The following SYT1 variants were observed in gnomAD, a reference collection of about 807,000 sequenced individuals.
SYT1 encodes synaptotagmin 1, also known as synaptotagmin-1.
In SYT1, 8 loss-of-function variants were observed where a neutral mutation model predicts 44.8. That is an observed-to-expected ratio of 0.18 (90% CI 0.10 to 0.32). SYT1 has a LOEUF of 0.32. SYT1 is among the 10% of genes least tolerant of loss of function. The pLI is 1.00. For missense variants in SYT1, 286 were observed against 509.3 expected (o/e 0.56, Z 4.22); for synonymous variants, 154 against 188.8 (o/e 0.82, Z 1.51).
At chr12:79,210,959 A>G (rs956354469) in intron 3 of SYT1, among the ~76,000 whole-genome samples, 1 of 148,330 alleles carries the variant, frequency 6.7e-6, no homozygotes, top group African/African-American at 2.5e-5. Context: ...TGAAAATCTG[A>G]CATTAGGAAA....
At chr12:79,401,283 C>A (rs979625673) in intron 9 of SYT1, among the ~76,000 whole-genome samples, 1 of 152,114 alleles carries the variant, frequency 6.6e-6, no homozygotes, top group Non-Finnish European at 1.5e-5. Flanking sequence ...AATCCCAGCA[C>A]TTTGGGAGGC....
chr12:78,881,170 G>T (rs1414592731), intron 1 of SYT1, among the ~76,000 whole-genome samples: 5 of 151,468 alleles, frequency 3.3e-5, no homozygotes, highest in Non-Finnish European at 5.9e-5. Context: ...AATTGACTTT[G>T]CTTGGCTCGT....
intron 2 of SYT1, among the ~76,000 whole-genome samples, chr12:79,017,382 C>T (rs899475451): frequency 6.6e-6 from 1 of 152,038 alleles, no homozygotes; most frequent in Non-Finnish European, 1.5e-5. Flanking sequence ...AGCAAATAAC[C>T]ACAATGTAAT....
chr12:79,053,009 A>G (rs1460570071), intron 3 of SYT1, among the ~76,000 whole-genome samples: 2 of 152,190 alleles, frequency 1.3e-5, no homozygotes, highest in African/African-American at 2.4e-5. Flanking sequence ...ATTACTGGGT[A>G]TACACCCAAA....
intron 3 of SYT1, among the ~76,000 whole-genome samples, chr12:79,063,139 T>G (rs922564313): frequency 1.3e-5 from 2 of 152,206 alleles, no homozygotes; most frequent in Non-Finnish European, 2.9e-5. Flanking sequence ...CACCTTAATC[T>G]TTGTGAGACC....
intron 1 of SYT1, among the ~76,000 whole-genome samples, chr12:78,934,669 G>T (rs1448167803): frequency 6.6e-6 from 1 of 152,182 alleles, no homozygotes; most frequent in African/African-American, 2.4e-5. Context: ...GAAAAAGAAA[G>T]AAGTTGAAGT....
chr12:79,153,361 G>A (rs561328090), intron 3 of SYT1, among the ~76,000 whole-genome samples: 1 of 152,128 alleles, frequency 6.6e-6, no homozygotes, highest in East Asian at 1.9e-4. Flanking sequence ...ATTGTAGGTC[G>A]GAAGAAGAGC....
intron 9 of SYT1, among the ~76,000 whole-genome samples, chr12:79,384,729 A>T (rs760012012): frequency 6.6e-6 from 1 of 152,180 alleles, no homozygotes; most frequent in African/African-American, 2.4e-5. Context: ...TCAAGGCTTG[A>T]ATAGAAGCAT....
At chr12:78,890,784 A>C (rs897785146) in intron 1 of SYT1, among the ~76,000 whole-genome samples, 3 of 151,790 alleles carry the variant, frequency 2.0e-5, no homozygotes, top group African/African-American at 7.2e-5. Context: ...CTATAACTGC[A>C]TTTCTGTTAC....
intron 1 of SYT1, among the ~76,000 whole-genome samples, chr12:78,875,434 C>T (rs1874014806): frequency 6.6e-6 from 1 of 151,362 alleles, no homozygotes; most frequent in African/African-American, 2.4e-5. Context: ...ATAAATAAAA[C>T]AGAGCAATAG....
At chr12:78,962,236 A>G (rs1404980622) in intron 1 of SYT1, among the ~76,000 whole-genome samples, 2 of 151,916 alleles carry the variant, frequency 1.3e-5, no homozygotes, top group African/African-American at 4.8e-5. Context: ...CATATGAACT[A>G]TCTAATATGA....
At chr12:79,251,731 T>C (rs910260659) in intron 4 of SYT1, among the ~76,000 whole-genome samples, 2 of 152,136 alleles carry the variant, frequency 1.3e-5, no homozygotes, top group East Asian at 1.9e-4. Context: ...CCCAAGTGAG[T>C]AGAACTCAGG....
intron 9 of SYT1, among the ~76,000 whole-genome samples, chr12:79,399,181 T>C (rs1267241858): frequency 6.6e-6 from 1 of 152,214 alleles, no homozygotes; most frequent in Non-Finnish European, 1.5e-5. Context: ...TAAGAAGGAA[T>C]ATTCATCTTT....
chr12:79,271,927 T>A (rs1878448452), intron 4 of SYT1, among the ~76,000 whole-genome samples: 1 of 152,222 alleles, frequency 6.6e-6, no homozygotes, highest in South Asian at 2.1e-4. Flanking sequence ...TCTTTTTTTC[T>A]TAATGCATCT....
intron 3 of SYT1, among the ~76,000 whole-genome samples, chr12:79,155,505 G>A (rs1870540223): frequency 6.6e-6 from 1 of 152,156 alleles, no homozygotes. Context: ...TTAAAATAGG[G>A]TAAAACTTTC....
chr12:78,897,508 C>T (rs561742160), intron 1 of SYT1, among the ~76,000 whole-genome samples: 124 of 151,778 alleles, frequency 8.2e-4, no homozygotes, highest in Middle Eastern at 3.2e-3. Flanking sequence ...AATGACAGCC[C>T]GAGACTGTTG....
At chr12:79,175,130 C>T (rs1446637972) in intron 3 of SYT1, among the ~76,000 whole-genome samples, 3 of 132,658 alleles carry the variant, frequency 2.3e-5, no homozygotes, top group Non-Finnish European at 3.6e-5. Context: ...ATGATTTAGC[C>T]TGTCCTCTAT....
chr12:79,044,023 T>A (rs373890722), intron 2 of SYT1, among the ~76,000 whole-genome samples: 2 of 152,178 alleles, frequency 1.3e-5, no homozygotes, highest in South Asian at 2.1e-4. Flanking sequence ...CTTCCCTTTG[T>A]GGGTAACCCA....
intron 3 of SYT1, among the ~76,000 whole-genome samples, chr12:79,048,106 T>A (rs953578181): frequency 6.6e-6 from 1 of 151,910 alleles, no homozygotes; most frequent in African/African-American, 2.4e-5. Flanking sequence ...TTGTATCACA[T>A]TTAATATTTT....
Sources: gnomAD v4.1 joint callset for allele counts (sites outside exome capture counted in the v4.1 genomes callset) on GRCh38, gnomAD v4.1.1 for gene constraint, MANE v1.5 for transcripts, NCBI Gene and HGNC (gene_info 2026-07-23, HGNC 2026-07-21) for gene names.